Variants in BDP1 observed in about 807,000 individuals in gnomAD.
BDP1 encodes transcription factor TFIIIB component B'' homolog.
A neutral mutation model predicts 266.6 loss-of-function variants in BDP1; 169 were observed. The observed-to-expected ratio is 0.63, with a 90% CI of 0.56 to 0.72. The LOEUF is 0.72. Ranked by LOEUF, BDP1 falls within the 30% of genes least tolerant of loss-of-function variation. BDP1 has a pLI of 0.00. For synonymous variants in BDP1, 1,090 were observed against 1,022.4 expected, an observed-to-expected ratio of 1.07 and a Z score of -1.26; for missense variants, 3,015 against 3,053.8, an observed-to-expected ratio of 0.99 and a Z score of 0.30.
rs751894998 is a variant in BDP1 at position 71,509,589 on chromosome 5, G to A, written c.2497G>A (p.Val833Ile). The A allele has an allele frequency of 3.7e-6, 6 of 1,613,762 alleles. No homozygotes were observed. The highest frequency in any genetic ancestry group is 1.6e-4 in the Middle Eastern group (1 of 6,084). Reference protein sequence around the residue: ...GRREISSKEEVLEKILVSGEM... With the variant: ...GRREISSKEEILEKILVSGEM... ...GAGAGAAATTTCCTCAAAGGAAGAG[G>A]TACTAGAGAAGATTCTTGTCTCTGG... Residue 833 changes from valine (V) to isoleucine (I), a missense_variant, in exon 17 of 39, where the codon GTA becomes ATA. Transcript: ENST00000358731.
chr5:71,495,001 A>G (rs1336459020), intron 11 of BDP1: 1 of 266,144 alleles, frequency 3.8e-6, no homozygotes, highest in Admixed American at 5.2e-5. Context: ...TCCGGCCTTC[A>G]TTTTGAAACT....
At chr5:71,558,655 A>T (rs1051683981) in intron 36 of BDP1, among the ~76,000 whole-genome samples, 4 of 151,272 alleles carry the variant, frequency 2.6e-5, no homozygotes, top group African/African-American at 7.3e-5. Flanking sequence ...GCGAAGCCTC[A>T]TCTCTACTAA....
In BDP1 at chr5:71,489,442, G is replaced by T. The variant is rs777771182; in HGVS notation, c.1252G>T (p.Asp418Tyr). The T allele has an allele frequency of 6.2e-7, 1 of 1,613,558 alleles. No homozygotes were observed. The highest frequency in any genetic ancestry group is 1.1e-5 in the South Asian group (1 of 90,852). ...VACEGVNNDPDESMSSRISDT... is the reference protein window; with the variant it reads ...VACEGVNNDPYESMSSRISDT... ...CTGTGAAGGAGTGAATAATGATCCA[G>T]ATGAGTCTATGAGTTCTAGAATTTC... is the stretch of plus-strand genomic sequence containing the variant. Residue 418 changes from aspartate (D) to tyrosine (Y), a missense_variant, in exon 10 of 39, where the codon GAT (aspartate) becomes TAT (tyrosine). Physicochemically the swap from Asp to Tyr is radical, Grantham distance 160. Around this residue, in one of 3 missense-constraint regions of BDP1, gnomAD observed 2,383 missense variants for 2,404.9 expected, o/e 0.99. Transcript: ENST00000358731.
intron 26 of BDP1, among the ~76,000 whole-genome samples, chr5:71,534,595 G>T (rs916126868): frequency 6.6e-6 from 1 of 152,076 alleles, no homozygotes; most frequent in Non-Finnish European, 1.5e-5. Context: ...CGCCTCCTGG[G>T]TTCACACCAT....
At chr5:71,466,014 T>G in intron 4 of BDP1, 82 bp from the exon 5 acceptor site, 2 of 1,423,720 alleles carry the variant, frequency 1.4e-6, no homozygotes, top group Non-Finnish European at 1.9e-6. Context: ...AGGTTGAGTT[T>G]GTAATCATTT....
chr5:71,570,251 A>C (rs1052350498), downstream of BDP1, among the ~76,000 whole-genome samples: 41 of 152,190 alleles, frequency 2.7e-4, no homozygotes, highest in Non-Finnish European at 1.0e-4. Context: ...ATAACCGTGA[A>C]ATAGCTGAGT....
At position 71,455,957 on chromosome 5, in the gene BDP1, C is replaced by T; in HGVS notation, c.80C>T (p.Pro27Leu). 1.9e-6 allele frequency: 3 copies of T among 1,613,080 alleles called. No individual in the cohort carries two copies. Among genetic ancestry groups the T allele is most frequent in the Non-Finnish European group, 2.5e-6 (3 of 1,179,788 alleles). ...VGARGSTASN[P>L]QRGRESPRPP... Reference sequence around the variant, plus strand: ...GCCAGGGGCTCCACAGCTTCCAATCCCCAGCGTGGACGGGAGTCTCCCAGG... The same window carrying T: ...GCCAGGGGCTCCACAGCTTCCAATCTCCAGCGTGGACGGGAGTCTCCCAGG... Residue 27 changes from proline (P) to leucine (L), a missense_variant, in exon 1 of 39, where the codon CCC (proline) becomes CTC (leucine). Around this residue, in one of 3 missense-constraint regions of BDP1, gnomAD observed 2,383 missense variants for 2,404.9 expected, o/e 0.99. Transcript: ENST00000358731.
chr5:71,461,966 T>TC (rs748331995), intron 3 of BDP1, 40 bp downstream of exon 3: 1 of 1,176,970 alleles, frequency 8.5e-7, no homozygotes, highest in South Asian at 1.3e-5. Flanking sequence ...CTCTTTTTTT[T>TC]TTTTTTTTTT....
intron 7 of BDP1, among the ~76,000 whole-genome samples, chr5:71,479,133 C>T (rs906643953): frequency 2.0e-5 from 3 of 151,962 alleles, no homozygotes; most frequent in African/African-American, 4.8e-5. Context: ...AGCTCTGCCT[C>T]CCAGGTTTAC....
At chr5:71,530,445 T>C (rs945373281) in intron 25 of BDP1, among the ~76,000 whole-genome samples, 1 of 152,056 alleles carries the variant, frequency 6.6e-6, no homozygotes, top group African/African-American at 2.4e-5. Context: ...GGTTTTACCA[T>C]GTTGTCCAGG....
intron 19 of BDP1, among the ~76,000 whole-genome samples, chr5:71,514,092 G>A (rs1223058636): frequency 1.3e-5 from 2 of 151,934 alleles, no homozygotes; most frequent in Non-Finnish European, 2.9e-5. Context: ...TGAGTTAAAG[G>A]TGATATTTTA....
intron 38 of BDP1, among the ~76,000 whole-genome samples, chr5:71,563,775 G>A (rs1743843385): frequency 6.6e-6 from 1 of 152,110 alleles, no homozygotes; most frequent in Non-Finnish European, 1.5e-5. Context: ...AATCAGGCAC[G>A]GTGGTGTGTG....
rs200511903 is a variant in BDP1, at chr5:71,466,052, A to G, written c.660-44A>G. 802 of 1,596,376 alleles carry G rather than the reference A, an allele frequency of 5.0e-4. 14 individuals are homozygous for G. In the South Asian group the frequency reaches 5.9e-3, roughly 12 times the overall value. On this transcript the variant is annotated intron_variant, in intron 4 of 38. Coordinates refer to ENST00000358731, the MANE Select transcript of BDP1 (RefSeq NM_018429.3). ...TTTAAGTTTTATACTATTTAGGCACACTTTTCATGCCTTTGTGAATTAACT... is the reference window on the plus strand; with the variant it reads ...TTTAAGTTTTATACTATTTAGGCACGCTTTTCATGCCTTTGTGAATTAACT...
At chr5:71,496,000 T>C (rs1366974703) in intron 12 of BDP1, among the ~76,000 whole-genome samples, 1 of 152,074 alleles carries the variant, frequency 6.6e-6, no homozygotes, top group African/African-American at 2.4e-5. Flanking sequence ...CCCAGCACTT[T>C]GGGAGGCCGA....
chr5:71,484,685 T>G (rs1213372839), intron 8 of BDP1, among the ~76,000 whole-genome samples: 6 of 152,236 alleles, frequency 3.9e-5, no homozygotes, highest in African/African-American at 1.4e-4. Flanking sequence ...TTAAAAATAG[T>G]TCTTGTATTT....
rs765111490 is a variant in BDP1, at chr5:71,458,788, A to G, written c.422A>G (p.Asp141Gly). Reference sequence around the variant, plus strand: ...ACAAAAGAGAAACAGCCATGCTCAGACAGATACCGAATATACAAAGCCCAG... The same window carrying G: ...ACAAAAGAGAAACAGCCATGCTCAGGCAGATACCGAATATACAAAGCCCAG... ...TSTKEKQPCS[D>G]RYRIYKAQKL... The change falls in exon 2 of 39, where the codon GAC becomes GGC. Residue 141 changes from aspartate to glycine, a missense_variant. By Grantham distance (94) the Asp-to-Gly change is moderately conservative (BLOSUM62 -1). Transcript: ENST00000358731. 1 of 1,614,162 alleles carries G rather than the reference A, an allele frequency of 6.2e-7. No individual in the cohort carries two copies. The highest frequency in any genetic ancestry group is 1.1e-5 in the South Asian group (1 of 91,088).
chr5:71,486,540 G>C lies in BDP1; in HGVS notation c.1126G>C (p.Ala376Pro). Residue 376 changes from alanine (A) to proline (P), a missense_variant, in exon 9 of 39, where the codon GCT (alanine) becomes CCT (proline). Physicochemically the swap from Ala to Pro is conservative, Grantham distance 27. This residue lies in a region of BDP1 where 2,383 missense variants were observed against 2,404.9 expected (regional missense o/e 0.99). Coordinates refer to ENST00000358731, the MANE Select transcript of BDP1 (RefSeq NM_018429.3). ...TGCTCATTTGCTTCAGAAAGTTCTT[G>C]CTGAAGAAGAGAAAAGAAAACAAAA... Reference protein sequence around the residue: ...FFAHLLQKVLAEEEKRKQKSV... With the variant: ...FFAHLLQKVLPEEEKRKQKSV... 1 of 1,542,288 alleles carries C rather than the reference G, an allele frequency of 6.5e-7. No homozygotes were observed. Among genetic ancestry groups the C allele is most frequent in the East Asian group, 2.5e-5 (1 of 39,540 alleles).
At chr5:71,512,155 T>C in intron 17 of BDP1, 86 bp from the exon 18 acceptor site, 1 of 634,192 alleles carries the variant, frequency 1.6e-6, no homozygotes, top group Non-Finnish European at 2.4e-6. Context: ...GGAAAGTGTT[T>C]AGAATTTAGT....
intron 1 of BDP1, among the ~76,000 whole-genome samples, chr5:71,457,807 A>T (rs980893258): frequency 6.6e-6 from 1 of 152,226 alleles, no homozygotes; most frequent in African/African-American, 2.4e-5. Flanking sequence ...TTTTATAAGT[A>T]ATTATAAAAT....
Sources: allele counts gnomAD v4.1 joint callset (sites outside exome capture counted in the v4.1 genomes callset), GRCh38; gene constraint gnomAD v4.1.1; regional missense constraint gnomAD v4.1.1; transcripts MANE v1.5; gene names NCBI Gene and HGNC (gene_info 2026-07-23, HGNC 2026-07-21).